The following PRMT5 variants were observed in gnomAD, a reference collection of about 807,000 sequenced individuals.
PRMT5 encodes protein arginine N-methyltransferase 5.
In PRMT5, 15 loss-of-function variants were observed where a neutral mutation model predicts 84.0. The ratio of observed to expected loss-of-function variants is 0.18; its 90% CI spans 0.12 to 0.28. The LOEUF is 0.28. PRMT5 is among the 10% of genes least tolerant of loss of function. The pLI, the probability that PRMT5 is intolerant of heterozygous loss-of-function variation, is 1.00. For missense variants in PRMT5, 486 were observed against 808.0 expected (o/e 0.60, Z 4.83); for synonymous variants, 276 against 292.4 (o/e 0.94, Z 0.57).
Position 22,924,530 on chromosome 14 carries a change from T to C in PRMT5, c.1025A>G (p.Tyr342Cys), listed in dbSNP as rs757047170. 1.2e-6 allele frequency: 2 copies of C among 1,614,084 alleles called. No individual in the cohort carries two copies. The highest frequency in any genetic ancestry group is 1.7e-5 in the Admixed American group (1 of 60,024). ...IKYSQYQQAI[Y>C]KCLLDRVPEE... Reference sequence around the variant, plus strand: ...TGGTACTCGGTCTAGCAGACATTTATAGATGGCCTGGAGGGAGGAGAGAAT... The same window carrying C: ...TGGTACTCGGTCTAGCAGACATTTACAGATGGCCTGGAGGGAGGAGAGAAT... The change falls in exon 10 of 17, where the codon TAT (tyrosine) becomes TGT (cysteine). Residue 342 changes from tyrosine (Y) to cysteine (C), a missense_variant. Physicochemically the swap from Tyr to Cys is radical, Grantham distance 194. Coordinates refer to ENST00000324366, the MANE Select transcript of PRMT5 (RefSeq NM_006109.5). This position sits in a 1 kb window ranked among gnomAD's most constrained non-coding sequence, Gnocchi z 6.5.
intron 7 of PRMT5, 48 bp from the exon 8 acceptor site, chr14:22,925,088 T>C (rs752301751): frequency 1.9e-6 from 3 of 1,594,020 alleles, no homozygotes; most frequent in Non-Finnish European, 2.6e-6. Context: ...ACCAAGATTC[T>C]GGAATATTAT....
At chr14:22,929,202 C>T in intron 1 of PRMT5, 50 bp downstream of exon 1, 3 of 1,614,096 alleles carry the variant, frequency 1.9e-6, no homozygotes, top group Non-Finnish European at 2.5e-6. Flanking sequence ...TGCCCTTCTC[C>T]GTCCCCGAGT....
intron 3 of PRMT5, 52 bp from the exon 4 acceptor site, chr14:22,927,712 T>C: frequency 6.6e-7 from 1 of 1,524,286 alleles, no homozygotes; most frequent in East Asian, 2.4e-5. Flanking sequence ...AACAGCTTTT[T>C]TTTTTTTTTT....
chr14:22,925,359 G>A (rs1351133435), intron 7 of PRMT5, among the ~76,000 whole-genome samples: 1 of 151,592 alleles, frequency 6.6e-6, no homozygotes, highest in Non-Finnish European at 1.5e-5. Context: ...GTTTCACCAT[G>A]TTGGACAGGC....
chr14:22,928,801 C>G lies in PRMT5; in HGVS notation c.111-186G>C, dbSNP rs2044482240. 6.6e-6 allele frequency among the ~76,000 whole-genome samples: 1 copy of G among 152,134 alleles called. No homozygotes were observed. The highest frequency in any genetic ancestry group is 2.1e-4 in the South Asian group (1 of 4,830). ...TGCTGTACTGTGCCTCAATTTCTCC[C>G]TAAAACACAGCCATGGGACATATGA... On this transcript the variant is annotated intron_variant, in intron 1 of 16. Coordinates refer to ENST00000324366, the MANE Select transcript of PRMT5 (RefSeq NM_006109.5). This position sits in a 1 kb window ranked among gnomAD's most constrained non-coding sequence, Gnocchi z 4.8.
intron 16 of PRMT5, 102 bp from the exon 17 acceptor site, chr14:22,921,158 G>A: frequency 7.2e-7 from 1 of 1,395,434 alleles, no homozygotes; most frequent in Non-Finnish European, 9.9e-7. Context: ...TGACAAGACT[G>A]TCCCAACCCT....
In PRMT5 at chr14:22,929,238, G is replaced by A. The variant is rs755037969; in HGVS notation, c.110+14C>T. ...TCGGACCCCGCATTCCGCTCGTGGA[G>A]GTCCGGCCCTCACCCCTGCTTGGCC... On this transcript the variant is annotated intron_variant, in intron 1 of 16. Coordinates refer to ENST00000324366, the MANE Select transcript of PRMT5 (RefSeq NM_006109.5). The A allele has an allele frequency of 3.0e-5, 48 of 1,613,932 alleles. No homozygotes were observed. The highest frequency in any genetic ancestry group is 3.9e-5 in the Non-Finnish European group (46 of 1,180,016).
Position 22,926,195 on chromosome 14 carries a change from T to G in PRMT5, c.715A>C (p.Asn239His). ...GAAAGAACAGGAAATCCCTTCTTATTGGTCAGGAAAATGCTAGTGGGGAGA... is the reference window on the plus strand; with the variant it reads ...GAAAGAACAGGAAATCCCTTCTTATGGGTCAGGAAAATGCTAGTGGGGAGA... Reference protein sequence around the residue: ...AILPTSIFLTNKKGFPVLSKM... With the variant: ...AILPTSIFLTHKKGFPVLSKM... Residue 239 changes from asparagine to histidine, a missense_variant, in exon 7 of 17, where the codon AAT (asparagine) becomes CAT (histidine). Physicochemically the swap from Asn to His is moderately conservative, Grantham distance 68. Transcript: ENST00000324366. 1 of 1,613,260 alleles carries G rather than the reference T, an allele frequency of 6.2e-7. No individual in the cohort carries two copies. Among genetic ancestry groups the G allele is most frequent in the Non-Finnish European group, 8.5e-7 (1 of 1,179,214 alleles).
intron 1 of PRMT5, 137 bp downstream of exon 1, chr14:22,929,115 C>T: frequency 3.1e-6 from 5 of 1,604,802 alleles, no homozygotes; most frequent in Non-Finnish European, 4.3e-6. Context: ...GAGGCTCCTC[C>T]CCTCCAAAGA....
At chr14:22,927,329 C>G (rs887913646) in intron 4 of PRMT5, among the ~76,000 whole-genome samples, 197 bp downstream of exon 4, 21 of 152,130 alleles carry the variant, frequency 1.4e-4, no homozygotes, top group Admixed American at 7.9e-4. Flanking sequence ...AAGCTGGTCT[C>G]GAACTCCTGA....
chr14:22,922,299 C>T (rs2139217895), intron 15 of PRMT5, 59 bp from the exon 16 acceptor site: 3 of 1,483,138 alleles, frequency 2.0e-6, no homozygotes, highest in Non-Finnish European at 1.9e-6. Flanking sequence ...TTTGCCTATG[C>T]TGAAGAGGGT....
At chr14:22,929,141 C>T (rs1347312721) in intron 1 of PRMT5, 111 bp downstream of exon 1, 1 of 1,613,636 alleles carries the variant, frequency 6.2e-7, no homozygotes, top group Non-Finnish European at 8.5e-7. Flanking sequence ...AGTCTCTCCC[C>T]TCCTCATCCT....
At chr14:22,927,404 C>T (rs1023636883) in intron 4 of PRMT5, 122 bp downstream of exon 4, 71 of 1,395,012 alleles carry the variant, frequency 5.1e-5, no homozygotes, top group Non-Finnish European at 6.7e-5. Flanking sequence ...CCACTGTGCC[C>T]GCCAATACTG....
rs1255511440 is a variant in PRMT5, at chr14:22,921,050, T to G, written c.1768A>C (p.Ile590Leu). 1.2e-6 allele frequency: 2 copies of G among 1,614,130 alleles called. No homozygotes were observed. The change falls in exon 17 of 17, where the codon ATA (isoleucine) becomes CTA (leucine). Residue 590 changes from isoleucine to leucine, a missense_variant. By Grantham distance (5) the Ile-to-Leu change is conservative (BLOSUM62 2). This residue lies in a region of PRMT5 where 219 missense variants were observed against 433.6 expected (regional missense o/e 0.51). Coordinates refer to ENST00000324366, the MANE Select transcript of PRMT5 (RefSeq NM_006109.5). ...ATGGTTTGGCCTTCACGTACCGTTA[T>G]GGGCTGCTGTAAGAAGAAAGACAGG... ...FPILFPIKQP[I>L]TVREGQTICV...
chr14:22,925,591 G>A (rs1051766606), intron 7 of PRMT5, among the ~76,000 whole-genome samples: 19 of 152,066 alleles, frequency 1.2e-4, no homozygotes, highest in East Asian at 7.8e-4. Flanking sequence ...AGGCCGAGGC[G>A]GGTGGATCAT....
intron 1 of PRMT5, 174 bp downstream of exon 1, chr14:22,929,078 A>G (rs1203221207): frequency 1.3e-6 from 2 of 1,528,748 alleles, no homozygotes; most frequent in Non-Finnish European, 1.8e-6. Context: ...GCCTCCCACA[A>G]GTTATTTTCC....
chr14:22,928,758 C>T lies in PRMT5; in HGVS notation c.111-143G>A. 1 of 727,666 alleles carries T rather than the reference C, an allele frequency of 1.4e-6. No homozygotes were observed. The highest frequency in any genetic ancestry group is 2.1e-5 in the Admixed American group (1 of 48,718). The allele number at this position is 727,666 out of a possible 1,614,324, so 45.1% of individuals were successfully genotyped here. On this transcript the variant is annotated intron_variant, in intron 1 of 16. Transcript: ENST00000324366. This position sits in a 1 kb window ranked among gnomAD's most constrained non-coding sequence, Gnocchi z 4.8. ...TACTAGGCTGCTGAGTTCAGACCACCTTGGGGGATATCAACTCTGCTGTAC... is the reference window on the plus strand; with the variant it reads ...TACTAGGCTGCTGAGTTCAGACCACTTTGGGGGATATCAACTCTGCTGTAC...
chr14:22,921,488 A>C (rs909619182), intron 16 of PRMT5, among the ~76,000 whole-genome samples: 1 of 152,252 alleles, frequency 6.6e-6, no homozygotes, highest in African/African-American at 2.4e-5. Flanking sequence ...CTGCAAAGGC[A>C]AGCAAACACT....
intron 7 of PRMT5, among the ~76,000 whole-genome samples, chr14:22,925,433 A>T (rs949154442): frequency 6.6e-6 from 1 of 151,964 alleles, no homozygotes; most frequent in Non-Finnish European, 1.5e-5. Flanking sequence ...CTGGGATTAC[A>T]GGCGCGAGCC....
Sources: allele counts gnomAD v4.1 joint callset (sites outside exome capture counted in the v4.1 genomes callset), GRCh38; gene constraint gnomAD v4.1.1; regional missense constraint gnomAD v4.1.1; non-coding constraint Gnocchi (gnomAD v3.1); transcripts MANE v1.5; gene names NCBI Gene and HGNC (gene_info 2026-07-23, HGNC 2026-07-21).